Variants in XKR6 observed in about 807,000 individuals in gnomAD.
XKR6 encodes the protein XK related 6.
In XKR6, 22 loss-of-function variants were observed where a neutral mutation model predicts 56.7. The ratio of observed to expected loss-of-function variants is 0.39; its 90% CI spans 0.28 to 0.55. The LOEUF (loss-of-function observed/expected upper bound fraction) is 0.55. Ranked by LOEUF, XKR6 falls within the 20% of genes least tolerant of loss-of-function variation. The pLI is 0.66. For synonymous variants in XKR6, 524 were observed against 387.8 expected (o/e 1.35, Z -4.13); for missense variants, 852 against 889.0 (o/e 0.96, Z 0.53).
intron 1 of XKR6, among the ~76,000 whole-genome samples, chr8:11,003,529 T>C (rs189040442): frequency 3.8e-4 from 58 of 152,324 alleles, no homozygotes; most frequent in African/African-American, 1.3e-3. Flanking sequence ...ACCAGACTGA[T>C]ACTAATACTA....
intron 1 of XKR6, among the ~76,000 whole-genome samples, chr8:11,134,324 T>C (rs1800273018): frequency 6.6e-6 from 1 of 152,164 alleles, no homozygotes; most frequent in African/African-American, 2.4e-5. Context: ...AACAAAGACT[T>C]CTGTCATATG....
At position 10,897,825 on chromosome 8, in the gene XKR6, G is replaced by C; in HGVS notation, c.*127C>G. On this transcript the variant is annotated 3_prime_UTR_variant, in exon 3 of 3. Coordinates refer to ENST00000416569, the MANE Select transcript of XKR6 (RefSeq NM_173683.4). ...TTTTTTTTTTGTAGTGGTGGTGTTG[G>C]TGTGGCGGTGTTGGTGGTGGTGGCG... The C allele has an allele frequency of 2.5e-6, 3 of 1,184,830 alleles. No individual in the cohort carries two copies. The highest frequency in any genetic ancestry group is 3.5e-6 in the Non-Finnish European group (3 of 868,516). 73.4% of individuals were successfully genotyped at this position (1,184,830 alleles called of 1,614,324 possible).
intron 1 of XKR6, among the ~76,000 whole-genome samples, chr8:11,153,745 T>C (rs895630650): frequency 1.1e-4 from 16 of 152,202 alleles, no homozygotes; most frequent in African/African-American, 3.9e-4. Flanking sequence ...CATTCTTTGA[T>C]CTGCTCAAGC....
intron 1 of XKR6, among the ~76,000 whole-genome samples, chr8:11,104,146 A>C (rs527372415): frequency 1.3e-5 from 2 of 152,318 alleles, no homozygotes; most frequent in South Asian, 4.1e-4. Flanking sequence ...AACGTCTCTA[A>C]GGGAAACACT....
chr8:10,923,322 T>C (rs1310465219), intron 2 of XKR6, among the ~76,000 whole-genome samples: 1 of 152,140 alleles, frequency 6.6e-6, no homozygotes, highest in Admixed American at 6.5e-5. Context: ...TTTTGTGGGA[T>C]GGACAGATAC....
chr8:11,127,703 G>A (rs774629437), intron 1 of XKR6, among the ~76,000 whole-genome samples: 6 of 152,100 alleles, frequency 3.9e-5, no homozygotes, highest in African/African-American at 7.2e-5. Flanking sequence ...AGATAATCCT[G>A]GATAACTGCT....
At chr8:11,172,744 T>C (rs1802442667) in intron 1 of XKR6, among the ~76,000 whole-genome samples, 1 of 152,132 alleles carries the variant, frequency 6.6e-6, no homozygotes, top group Non-Finnish European at 1.5e-5. Context: ...TTTCCTTTAC[T>C]CCATGGTTTT....
At chr8:10,994,182 G>A (rs1216374524) in intron 1 of XKR6, among the ~76,000 whole-genome samples, 1 of 152,172 alleles carries the variant, frequency 6.6e-6, no homozygotes, top group African/African-American at 2.4e-5. Context: ...CCTGCCAGGG[G>A]GCTCCTAAGA....
rs1371706337 is a variant in XKR6 at position 11,004,575 on chromosome 8, G to C, written c.765-79745C>G. Among the ~76,000 whole-genome samples, 5 of 152,184 alleles carry C rather than the reference G, an allele frequency of 3.3e-5. No homozygotes were observed. The South Asian group carries it at 8.3e-4, about 25-fold the overall frequency. The stretch of plus-strand genomic sequence containing the variant: ...CTGATGTTTACAAAAAGTAGCAACT[G>C]CCTACCAGGCCAGCAACAGGGAGCT... On this transcript the variant is annotated intron_variant, in intron 1 of 2. Transcript: ENST00000416569.
intron 1 of XKR6, among the ~76,000 whole-genome samples, chr8:11,054,642 G>A (rs917059358): frequency 1.3e-5 from 2 of 152,224 alleles, no homozygotes; most frequent in African/African-American, 2.4e-5. Context: ...CTTCCTGCCA[G>A]CCCTTTAGGA....
At chr8:11,071,607 C>A (rs1029134056) in intron 1 of XKR6, among the ~76,000 whole-genome samples, 1 of 148,458 alleles carries the variant, frequency 6.7e-6, no homozygotes, top group Non-Finnish European at 1.5e-5. Context: ...AGTCTATCAG[C>A]CCCGAGTCCA....
chr8:11,142,465 G>A (rs1241283392), intron 1 of XKR6, among the ~76,000 whole-genome samples: 1 of 152,188 alleles, frequency 6.6e-6, no homozygotes, highest in African/African-American at 2.4e-5. Flanking sequence ...CAGTGTTGGA[G>A]GTGCGGCCTG....
chr8:11,025,452 A>G (rs1798839397), intron 1 of XKR6, among the ~76,000 whole-genome samples: 1 of 152,304 alleles, frequency 6.6e-6, no homozygotes, highest in Non-Finnish European at 1.5e-5. Context: ...CTTGGGGTGC[A>G]GGGAGGGGTT....
Position 10,898,802 on chromosome 8 carries a change from A to G in XKR6, c.1076T>C (p.Ile359Thr). 1.2e-6 allele frequency: 2 copies of G among 1,614,188 alleles called. No homozygotes were observed. Among genetic ancestry groups the G allele is most frequent in the Non-Finnish European group, 1.7e-6 (2 of 1,180,036 alleles). Residue 359 changes from isoleucine to threonine, a missense_variant, in exon 3 of 3, where the codon ATC (isoleucine) becomes ACC (threonine). Ile to Thr is a moderately conservative substitution (Grantham distance 89, BLOSUM62 -1). Around this residue, in one of 4 missense-constraint regions of XKR6, gnomAD observed 199 missense variants for 280.4 expected, o/e 0.71. Transcript: ENST00000416569. This position sits in a 1 kb window ranked among gnomAD's most constrained non-coding sequence, Gnocchi z 6.6. Reference protein sequence around the residue: ...KKSMSYRGAIIQVFWRLFTIS... With the variant: ...KKSMSYRGAITQVFWRLFTIS... ...GGTGAAGAGGCGCCAGAAGACCTGG[A>G]TGATGGCCCCTCTGTAGCTCATGCT...
intron 1 of XKR6, among the ~76,000 whole-genome samples, chr8:10,966,314 C>T (rs1197465456): frequency 6.6e-6 from 1 of 152,128 alleles, no homozygotes; most frequent in East Asian, 1.9e-4. Flanking sequence ...GTGTATACAG[C>T]CTTCCCACTC....
rs1445275700 is a variant in XKR6 at position 11,201,806 on chromosome 8, C to T, written c.-467G>A. Among the ~76,000 whole-genome samples the T allele has an allele frequency of 6.6e-6, 1 of 152,196 alleles. No individual in the cohort carries two copies. The highest frequency in any genetic ancestry group is 1.9e-4 in the East Asian group (1 of 5,182). ...CCTTCCTCAGCGTCGCAGCTCACAGCTTTCCTCCTGGAGAAACGCCCCCTA... is the reference window on the plus strand; with the variant it reads ...CCTTCCTCAGCGTCGCAGCTCACAGTTTTCCTCCTGGAGAAACGCCCCCTA... On this transcript the variant is annotated 5_prime_UTR_variant, in exon 1 of 3. Transcript: ENST00000416569.
intron 2 of XKR6, among the ~76,000 whole-genome samples, chr8:10,918,423 A>C (rs767959299): frequency 1.3e-5 from 2 of 151,808 alleles, no homozygotes; most frequent in Non-Finnish European, 1.5e-5. Flanking sequence ...CATCTGGGGC[A>C]TGCACACATG....
intron 1 of XKR6, among the ~76,000 whole-genome samples, chr8:11,111,376 T>C (rs1458657014): frequency 6.6e-6 from 1 of 152,152 alleles, no homozygotes; most frequent in African/African-American, 2.4e-5. Context: ...TTTTAAAAAC[T>C]GGTAGCACTG....
At chr8:10,987,029 A>G (rs1193963959) in intron 1 of XKR6, among the ~76,000 whole-genome samples, 1 of 152,056 alleles carries the variant, frequency 6.6e-6, no homozygotes, top group Non-Finnish European at 1.5e-5. Context: ...GATTCAAGTG[A>G]TCCTCCCACT....
Sources: gnomAD v4.1 joint callset for allele counts (sites outside exome capture counted in the v4.1 genomes callset) on GRCh38, gnomAD v4.1.1 for gene constraint, gnomAD v4.1.1 regional missense constraint, Gnocchi (gnomAD v3.1) non-coding constraint, MANE v1.5 for transcripts, NCBI Gene and HGNC (gene_info 2026-07-23, HGNC 2026-07-21) for gene names.